The following DNAAF9 variants were observed in gnomAD, a reference collection of about 807,000 sequenced individuals.
The protein encoded by DNAAF9 is dynein axonemal assembly factor 9, also known as shulin.
DNAAF9 carries 90 observed loss-of-function variants against 167.0 expected under a neutral mutation model. The ratio of observed to expected loss-of-function variants is 0.54; its 90% confidence interval spans 0.45 to 0.64. The LOEUF is 0.64. Among genes scored for constraint, DNAAF9 ranks in the 30% least tolerant of loss-of-function variants. The pLI is 0.00. For missense variants in DNAAF9, 1,315 were observed against 1,442.2 expected (o/e 0.91, Z 1.43); for synonymous variants, 491 against 508.8 (o/e 0.96, Z 0.47).
At chr20:3,380,639 T>C (rs1303157386) in intron 3 of DNAAF9, among the ~76,000 whole-genome samples, 1 of 152,196 alleles carries the variant, frequency 6.6e-6, no homozygotes, top group Non-Finnish European at 1.5e-5. Context: ...ACTAGACACA[T>C]AGCAATATTA....
At chr20:3,354,428 C>T (rs1193463561) in intron 7 of DNAAF9, among the ~76,000 whole-genome samples, 1 of 152,230 alleles carries the variant, frequency 6.6e-6, no homozygotes, top group African/African-American at 2.4e-5. Flanking sequence ...TACTGAACTT[C>T]AAACAGAACT....
chr20:3,268,897 C>CTTTTTTTTT lies in DNAAF9; in HGVS notation c.2786+1521_2786+1529dup, dbSNP rs386393120. Among the ~76,000 whole-genome samples the CTTTTTTTTT allele has an allele frequency of 1.7e-3, 148 of 85,836 alleles. 19 individuals are homozygous for CTTTTTTTTT. Among genetic ancestry groups the CTTTTTTTTT allele is most frequent in the African/African-American group, 5.1e-3 (109 of 21,486 alleles). 56.3% of individuals were successfully genotyped at this position (85,836 alleles called of 152,430 possible). A position where few individuals can be genotyped will look rare whatever the true frequency, so the allele number is the denominator to read the frequency against. On this transcript the variant is annotated intron_variant, in intron 30 of 36. Coordinates refer to ENST00000252032, the MANE Select transcript of DNAAF9 (RefSeq NM_001009984.3). ...GTAAAGAGATAATATCTCTATGTTA[C>CTTTTTTTTT]TTTTTTTTTTTTTTTTTTTTTTTTG...
At position 3,315,732 on chromosome 20, in the gene DNAAF9, T is replaced by A; in HGVS notation, c.1590+3A>T. ...TCACACTGAGAATAAGAAGGCTGCT[T>A]ACCCTCACTGCTTGCTGGGTTTTCT... On this transcript the variant is annotated splice_donor_region_variant and intron_variant, in intron 19 of 36. Coordinates refer to ENST00000252032, the MANE Select transcript of DNAAF9 (RefSeq NM_001009984.3). The surrounding 1 kb of genome is among the most constrained non-coding windows in gnomAD (Gnocchi z 4.1). 6.2e-7 allele frequency: 1 copy of A among 1,610,122 alleles called. No homozygotes were observed. Among genetic ancestry groups the A allele is most frequent in the Non-Finnish European group, 8.5e-7 (1 of 1,176,314 alleles).
chr20:3,379,204 T>TC (rs1306965117), intron 3 of DNAAF9, among the ~76,000 whole-genome samples: 4 of 151,806 alleles, frequency 2.6e-5, no homozygotes, highest in African/African-American at 9.7e-5. Flanking sequence ...AAGTAAGCAT[T>TC]CCCCAAATCT....
At chr20:3,273,127 G>A (rs1023845712) in intron 29 of DNAAF9, among the ~76,000 whole-genome samples, 3 of 152,118 alleles carry the variant, frequency 2.0e-5, no homozygotes, top group East Asian at 1.9e-4. Flanking sequence ...CATCGCGCCC[G>A]GTGAGAGTAG....
intron 17 of DNAAF9, among the ~76,000 whole-genome samples, chr20:3,317,262 G>A (rs1159416284): frequency 2.0e-5 from 3 of 150,564 alleles, no homozygotes; most frequent in Non-Finnish European, 4.4e-5. Context: ...TTGGGAGGCT[G>A]AGGTGGGAAA....
chr20:3,275,847 C>G (rs945469664), intron 29 of DNAAF9, among the ~76,000 whole-genome samples: 1 of 152,206 alleles, frequency 6.6e-6, no homozygotes, highest in Non-Finnish European at 1.5e-5. Flanking sequence ...AGAAACATCC[C>G]TATTGTCTGG....
In DNAAF9 at chr20:3,297,984, GA is replaced by G. The variant is rs546249876; in HGVS notation, c.1929+44del. The G allele has an allele frequency of 5.5e-4, 821 of 1,496,716 alleles. 3 individuals are homozygous for G. The African/African-American group carries it at 8.0e-3, about 15-fold the overall frequency. The allele number at this position is 1,496,716 out of a possible 1,614,324, so 92.7% of individuals were successfully genotyped here. A position where few individuals can be genotyped will look rare whatever the true frequency, so the allele number is the denominator to read the frequency against. On this transcript the variant is annotated intron_variant, in intron 22 of 36. Coordinates refer to ENST00000252032, the MANE Select transcript of DNAAF9 (RefSeq NM_001009984.3). ...GCCTTACCATTTAAATTGCTAGGGG[GA>G]AAAAAAAGTAGTAGTAGTTTTGCTG... is the stretch of plus-strand genomic sequence containing the variant.
intron 1 of DNAAF9, among the ~76,000 whole-genome samples, chr20:3,399,890 C>T (rs1456174806): frequency 6.6e-6 from 1 of 152,184 alleles, no homozygotes; most frequent in Non-Finnish European, 1.5e-5. Context: ...TCGCCAGCTG[C>T]CAAACTTAGT....
intron 1 of DNAAF9, among the ~76,000 whole-genome samples, chr20:3,402,781 G>C (rs573508912): frequency 6.6e-6 from 1 of 151,856 alleles, no homozygotes; most frequent in Non-Finnish European, 1.5e-5. Flanking sequence ...ATGGGGTCTC[G>C]ACATGTTACC....
At chr20:3,376,115 A>T in intron 4 of DNAAF9, 63 bp downstream of exon 4, 1 of 1,437,274 alleles carries the variant, frequency 7.0e-7, no homozygotes, top group Admixed American at 2.0e-5. Context: ...TTTCAGATCA[A>T]CACTTTCCTT....
At chr20:3,290,426 A>G (rs1187157631) in intron 25 of DNAAF9, among the ~76,000 whole-genome samples, 1 of 152,200 alleles carries the variant, frequency 6.6e-6, no homozygotes, top group Non-Finnish European at 1.5e-5. Flanking sequence ...AAGTGTTTAG[A>G]ACAGTGCTTG....
chr20:3,270,637 T>C, intron 29 of DNAAF9, 75 bp from the exon 30 acceptor site: 1 of 1,342,000 alleles, frequency 7.5e-7, no homozygotes. Context: ...ACGTGAGCCC[T>C]TGCTCCATCC....
chr20:3,259,696 TGCTCCCCTGTG>T, intron 32 of DNAAF9, 142 bp from the exon 33 acceptor site: 1 of 721,874 alleles, frequency 1.4e-6, no homozygotes, highest in Non-Finnish European at 2.5e-6. Flanking sequence ...CACACCCTGT[TGCTCCCCTGTG>T]GCTCTGCCAC....
In DNAAF9 at chr20:3,256,216, A is replaced by G. The variant is rs746500208; in HGVS notation, c.3056-5T>C. 1 of 1,607,752 alleles carries G rather than the reference A, an allele frequency of 6.2e-7. No homozygotes were observed. Among genetic ancestry groups the G allele is most frequent in the Non-Finnish European group, 8.5e-7 (1 of 1,174,210 alleles). On this transcript the variant is annotated splice_region_variant and splice_polypyrimidine_tract_variant and intron_variant, in intron 33 of 36. Coordinates refer to ENST00000252032, the MANE Select transcript of DNAAF9 (RefSeq NM_001009984.3). Reference sequence around the variant, plus strand: ...CCTCCATGGTCCTCTCAGAGTCTGTAAGGAGAATACACATTAGTCCCTGAG... The same window carrying G: ...CCTCCATGGTCCTCTCAGAGTCTGTGAGGAGAATACACATTAGTCCCTGAG...
chr20:3,383,927 T>C (rs919748536), intron 1 of DNAAF9, among the ~76,000 whole-genome samples: 1 of 151,956 alleles, frequency 6.6e-6, no homozygotes, highest in Non-Finnish European at 1.5e-5. Flanking sequence ...GTCCCCCAAG[T>C]AGCTGGGATT....
chr20:3,320,968 A>T (rs2069604872), intron 16 of DNAAF9, among the ~76,000 whole-genome samples: 1 of 152,188 alleles, frequency 6.6e-6, no homozygotes, highest in Non-Finnish European at 1.5e-5. Flanking sequence ...ACCATTTGCC[A>T]ATCTTCTTCA....
intron 1 of DNAAF9, among the ~76,000 whole-genome samples, chr20:3,402,542 A>T (rs1428617287): frequency 2.0e-5 from 3 of 151,994 alleles, no homozygotes; most frequent in Non-Finnish European, 4.4e-5. Flanking sequence ...CTACATCCTA[A>T]TTACCACCAT....
chr20:3,322,766 C>G, intron 14 of DNAAF9, 70 bp from the exon 15 acceptor site: 1 of 1,128,554 alleles, frequency 8.9e-7, no homozygotes, highest in East Asian at 2.3e-5. Context: ...TGCAGGGTAC[C>G]TGCTTGGGAT....
Sources: allele counts gnomAD v4.1 joint callset (sites outside exome capture counted in the v4.1 genomes callset), GRCh38; gene constraint gnomAD v4.1.1; non-coding constraint Gnocchi (gnomAD v3.1); transcripts MANE v1.5; gene names NCBI Gene and HGNC (gene_info 2026-07-23, HGNC 2026-07-21).